FGF13: variants seen among roughly 807,000 people sequenced by gnomAD.
FGF13 encodes fibroblast growth factor 13, also known as fibroblast growth factor homologous factor 2.
Under a neutral mutation model 19.5 loss-of-function variants are expected in FGF13, and 2 were observed. The ratio of observed to expected loss-of-function variants is 0.10; its 90% CI spans 0.04 to 0.32. The LOEUF (loss-of-function observed/expected upper bound fraction) is 0.32, where lower values mean the gene tolerates loss of function less well. Ranked by LOEUF, FGF13 falls within the 10% of genes least tolerant of loss-of-function variation. The pLI, the probability that FGF13 is intolerant of heterozygous loss-of-function variation, is 1.00. For missense variants in FGF13, 113 were observed against 192.7 expected, an observed-to-expected ratio of 0.59 and a Z score of 2.45; for synonymous variants, 72 against 76.9, an observed-to-expected ratio of 0.94 and a Z score of 0.33.
At chrX:139,203,896 C>A (rs982306757), upstream of FGF13, among the ~76,000 whole-genome samples, 4 of 111,824 alleles carry the variant, frequency 3.6e-5, no homozygotes, top group African/African-American at 1.3e-4. Flanking sequence ...CCTAGATCCA[C>A]CCCCTAGCGA....
At chrX:139,195,907 G>A (rs2084367082) in intron 1 of FGF13, among the ~76,000 whole-genome samples, 1 of 112,273 alleles carries the variant, frequency 8.9e-6, no homozygotes, top group Non-Finnish European at 1.9e-5. Flanking sequence ...GCTACGCTTT[G>A]TTGTGGGGGG....
intron 1 of FGF13, among the ~76,000 whole-genome samples, chrX:138,903,006 TG>T (rs1306617540): frequency 9.0e-6 from 1 of 110,784 alleles, no homozygotes; most frequent in East Asian, 2.8e-4. Flanking sequence ...CAATTAAAAA[TG>T]AAAAAAAAAT....
At chrX:139,167,903 G>A (rs1473092643) in intron 1 of FGF13, among the ~76,000 whole-genome samples, 1 of 111,839 alleles carries the variant, frequency 8.9e-6, no homozygotes, top group Non-Finnish European at 1.9e-5. Flanking sequence ...CTATAACAAT[G>A]CAACTTTACC....
intron 1 of FGF13, among the ~76,000 whole-genome samples, chrX:139,035,578 CT>C (rs1306389074): frequency 9.0e-6 from 1 of 111,512 alleles, no homozygotes; most frequent in Non-Finnish European, 1.9e-5. Context: ...GAGAGAACTT[CT>C]TTCCTTTCAC....
rs763038776 is a variant in FGF13 at position 138,637,033 on chromosome X, TA to T, written c.403-1379del. 3.6e-5 allele frequency among the ~76,000 whole-genome samples: 4 copies of T among 111,864 alleles called. No homozygotes were observed. The East Asian group carries it at 8.5e-4, about 24-fold the overall frequency. ...ACAGTGTTTCACACAGTAATCTGCC[TA>T]ATCTCCCCCCATCTTCCCAATCTGG... On this transcript the variant is annotated intron_variant, in intron 3 of 4. Coordinates refer to ENST00000315930, the MANE Select transcript of FGF13 (RefSeq NM_004114.5).
chrX:139,008,146 G>C (rs1032894910), intron 1 of FGF13, among the ~76,000 whole-genome samples: 1 of 112,044 alleles, frequency 8.9e-6, no homozygotes, highest in African/African-American at 3.2e-5. Flanking sequence ...GCCACAGGAA[G>C]CCCTGCCCAA....
At chrX:138,821,460 T>C (rs1459434013) in intron 3 of FGF13, among the ~76,000 whole-genome samples, 1 of 112,091 alleles carries the variant, frequency 8.9e-6, no homozygotes. Flanking sequence ...TGTGATGAAA[T>C]TGAAATACAA....
chrX:138,957,580 G>A (rs910182243), intron 1 of FGF13, among the ~76,000 whole-genome samples: 9 of 111,149 alleles, frequency 8.1e-5, no homozygotes, highest in Non-Finnish European at 1.5e-4. Flanking sequence ...TGATGGGGAT[G>A]GCATTGAATC....
chrX:139,177,673 G>T (rs2084200198), intron 1 of FGF13, among the ~76,000 whole-genome samples: 1 of 111,505 alleles, frequency 9.0e-6, no homozygotes, highest in Non-Finnish European at 1.9e-5. Flanking sequence ...CTCCATGGGG[G>T]TGGGATCCGG....
At chrX:139,054,416 C>A (rs748091812) in intron 1 of FGF13, among the ~76,000 whole-genome samples, 186 of 111,293 alleles carry the variant, frequency 1.7e-3, no homozygotes, top group Non-Finnish European at 3.1e-3. Context: ...AGCCACCGCG[C>A]CCGGCTGGTC....
intron 3 of FGF13, among the ~76,000 whole-genome samples, chrX:138,796,235 C>T (rs898305857): frequency 1.1e-4 from 12 of 110,433 alleles, no homozygotes; most frequent in Middle Eastern, 4.6e-3. Flanking sequence ...CCCCACCCGC[C>T]GATAGGCCCG....
At chrX:139,101,635 A>T (rs751807039) in intron 1 of FGF13, among the ~76,000 whole-genome samples, 1 of 112,644 alleles carries the variant, frequency 8.9e-6, no homozygotes, top group African/African-American at 3.2e-5. Flanking sequence ...CTGCAATTAA[A>T]CGAATAAATA....
At chrX:138,798,623 T>G (rs1189388260) in intron 3 of FGF13, among the ~76,000 whole-genome samples, 1 of 112,085 alleles carries the variant, frequency 8.9e-6, no homozygotes, top group East Asian at 2.8e-4. Flanking sequence ...TTGATTGGAA[T>G]AGTTTCAGAA....
chrX:138,902,117 T>C (rs2091534234), intron 1 of FGF13, among the ~76,000 whole-genome samples: 1 of 112,220 alleles, frequency 8.9e-6, no homozygotes, highest in Admixed American at 9.4e-5. Flanking sequence ...GAAAAACCAG[T>C]AAAATAACAG....
intron 3 of FGF13, among the ~76,000 whole-genome samples, chrX:138,649,172 T>C (rs913973492): frequency 8.9e-6 from 1 of 111,927 alleles, no homozygotes; most frequent in African/African-American, 3.3e-5. Context: ...CAAGTCATTA[T>C]AAGTTGCATC....
At chrX:138,729,527 C>T (rs2090212063) in intron 1 of FGF13, among the ~76,000 whole-genome samples, 1 of 108,700 alleles carries the variant, frequency 9.2e-6, no homozygotes, top group African/African-American at 3.3e-5. Flanking sequence ...ATCTGTGGGA[C>T]AATAGGAAAC....
intron 3 of FGF13, among the ~76,000 whole-genome samples, chrX:138,694,849 T>C (rs1365768619): frequency 9.1e-6 from 1 of 110,008 alleles, no homozygotes. Context: ...TGGTTATTTC[T>C]CAATTTATGG....
At chrX:138,696,439 TA>T (rs1408863681) in intron 3 of FGF13, among the ~76,000 whole-genome samples, 1 of 111,801 alleles carries the variant, frequency 8.9e-6, no homozygotes, top group African/African-American at 3.2e-5. Flanking sequence ...TGAAATATAC[TA>T]AAAACAACTG....
At chrX:138,844,688 T>C (rs899880018) in intron 3 of FGF13, among the ~76,000 whole-genome samples, 1 of 111,577 alleles carries the variant, frequency 9.0e-6, no homozygotes, top group African/African-American at 3.3e-5. Context: ...TGGTTTTCCT[T>C]CTTTTTCTTC....
Sources: allele counts gnomAD v4.1 joint callset (sites outside exome capture counted in the v4.1 genomes callset), GRCh38; gene constraint gnomAD v4.1.1; transcripts MANE v1.5; gene names NCBI Gene and HGNC (gene_info 2026-07-23, HGNC 2026-07-21).